The following CAMK1D variants were observed in gnomAD, a reference collection of about 807,000 sequenced individuals.
The protein encoded by CAMK1D is calcium/calmodulin-dependent protein kinase type 1D.
A neutral mutation model predicts 47.7 loss-of-function variants in CAMK1D; 9 were observed. The observed-to-expected ratio is 0.19, with a 90% CI of 0.11 to 0.33. The LOEUF (loss-of-function observed/expected upper bound fraction) is 0.33, where lower values mean the gene tolerates loss of function less well. Among genes scored for constraint, CAMK1D ranks in the 10% least tolerant of loss-of-function variants. The pLI is 1.00. For synonymous variants in CAMK1D, 184 were observed against 184.9 expected (o/e 0.99, Z 0.04); for missense variants, 291 against 488.7 (o/e 0.60, Z 3.81).
intron 1 of CAMK1D, among the ~76,000 whole-genome samples, chr10:12,459,423 T>A (rs924545358): frequency 6.6e-6 from 1 of 152,198 alleles, no homozygotes; most frequent in African/African-American, 2.4e-5. Context: ...GATGAGACAT[T>A]ACTGTGACGA....
At chr10:12,592,182 T>C (rs1201753832) in intron 2 of CAMK1D, among the ~76,000 whole-genome samples, 1 of 152,202 alleles carries the variant, frequency 6.6e-6, no homozygotes, top group Non-Finnish European at 1.5e-5. Flanking sequence ...TTTAGTGTTT[T>C]CTAAATGCTT....
intron 1 of CAMK1D, chr10:12,456,690 C>T (rs1293016651): frequency 7.3e-6 from 1 of 136,106 alleles, no homozygotes; most frequent in African/African-American, 2.7e-5. Context: ...TCACTTGAGC[C>T]CAGGAGGTCA....
At chr10:12,556,060 T>C (rs1357232863) in intron 2 of CAMK1D, among the ~76,000 whole-genome samples, 1 of 152,160 alleles carries the variant, frequency 6.6e-6, no homozygotes, top group Non-Finnish European at 1.5e-5. Flanking sequence ...CCTGGAAGCG[T>C]GACCCCTCTT....
rs140302414 is a variant in CAMK1D at position 12,764,952 on chromosome 10, G to A, written c.438+3866G>A. Among the ~76,000 whole-genome samples, 919 of 152,078 alleles carry A rather than the reference G, an allele frequency of 6.0e-3. 4 individuals are homozygous for A. The highest frequency in any genetic ancestry group is 0.014 in the Middle Eastern group (4 of 294). On this transcript the variant is annotated intron_variant, in intron 4 of 10. Transcript: ENST00000619168. Reference sequence around the variant, plus strand: ...CTCTACTAAAAATACAAAAGTAGCCGTGTGTGGTGGCACATGCCTGTAATC... The same window carrying A: ...CTCTACTAAAAATACAAAAGTAGCCATGTGTGGTGGCACATGCCTGTAATC...
intron 1 of CAMK1D, among the ~76,000 whole-genome samples, chr10:12,542,120 C>T (rs1836215168): frequency 6.6e-6 from 1 of 151,650 alleles, no homozygotes; most frequent in African/African-American, 2.4e-5. Flanking sequence ...CTTAAGTGAT[C>T]CTCCTGCCTT....
At chr10:12,455,582 T>C (rs2104588) in intron 1 of CAMK1D, among the ~76,000 whole-genome samples, 132,730 of 152,240 alleles carry the variant, frequency 0.87, 58,052 homozygotes, top group Admixed American at 0.92. Flanking sequence ...CATGTTGTTG[T>C]ATGTAAAAGT....
At chr10:12,514,570 C>A (rs1835134595) in intron 1 of CAMK1D, among the ~76,000 whole-genome samples, 1 of 152,200 alleles carries the variant, frequency 6.6e-6, no homozygotes, top group Non-Finnish European at 1.5e-5. Context: ...GTATGTGGGG[C>A]AGGCAGGATT....
chr10:12,731,909 A>ACGTC (rs906060540), intron 3 of CAMK1D, among the ~76,000 whole-genome samples: 1 of 152,012 alleles, frequency 6.6e-6, no homozygotes, highest in Non-Finnish European at 1.5e-5. Flanking sequence ...ACCCGAATGG[A>ACGTC]CGATGGGGTA....
intron 5 of CAMK1D, among the ~76,000 whole-genome samples, chr10:12,790,119 G>A (rs746661909): frequency 7.2e-5 from 11 of 152,246 alleles, no homozygotes; most frequent in African/African-American, 2.7e-4. Flanking sequence ...CACAAGGCCA[G>A]GAACAGGGAA....
intron 2 of CAMK1D, among the ~76,000 whole-genome samples, chr10:12,595,772 G>T (rs550458483): frequency 6.6e-6 from 1 of 152,096 alleles, no homozygotes; most frequent in African/African-American, 2.4e-5. Flanking sequence ...ACCATGACAG[G>T]TCAATAAAGA....
chr10:12,374,175 A>C (rs1032053335), intron 1 of CAMK1D, among the ~76,000 whole-genome samples: 2 of 147,370 alleles, frequency 1.4e-5, no homozygotes, highest in Non-Finnish European at 3.0e-5. Flanking sequence ...CAGGAGAATC[A>C]GTTGAACCCA....
intron 5 of CAMK1D, among the ~76,000 whole-genome samples, chr10:12,771,845 C>T (rs890824654): frequency 2.0e-5 from 3 of 152,096 alleles, no homozygotes; most frequent in Non-Finnish European, 4.4e-5. Context: ...ATCAGCCTGG[C>T]CAACATGGCA....
At chr10:12,598,432 T>C (rs1437027458) in intron 2 of CAMK1D, among the ~76,000 whole-genome samples, 1 of 152,128 alleles carries the variant, frequency 6.6e-6, no homozygotes, top group Non-Finnish European at 1.5e-5. Flanking sequence ...CTCTCTAGAG[T>C]AGTTTAAACT....
Position 12,828,825 on chromosome 10 carries a change from G to A in CAMK1D, c.1096G>A (p.Val366Ile). ...TTCTTCTTCGTCGGGGGTCTCAGGA[G>A]TTGGAGCCGAGCGGAGACCCAGGCC... The part of the protein sequence containing the change: ...FISSSSGVSG[V>I]GAERRPRPTT... The change falls in exon 11 of 11, where the codon GTT becomes ATT. Residue 366 changes from valine to isoleucine, a missense_variant. This residue lies in a region of CAMK1D where 72 missense variants were observed against 64.4 expected (regional missense o/e 1.12). Coordinates refer to ENST00000619168, the MANE Select transcript of CAMK1D (RefSeq NM_153498.4). 6.2e-7 allele frequency: 1 copy of A among 1,613,846 alleles called. No individual in the cohort carries two copies. Among genetic ancestry groups the A allele is most frequent in the Non-Finnish European group, 8.5e-7 (1 of 1,179,952 alleles).
At chr10:12,547,684 A>G (rs72769695) in intron 1 of CAMK1D, among the ~76,000 whole-genome samples, 5 of 57,638 alleles carry the variant, frequency 8.7e-5, no homozygotes, top group African/African-American at 3.4e-4. Context: ...TCTCTCTCTC[A>G]CACACACACA....
At chr10:12,763,762 A>G (rs138228808) in intron 4 of CAMK1D, among the ~76,000 whole-genome samples, 4 of 152,192 alleles carry the variant, frequency 2.6e-5, no homozygotes, top group African/African-American at 9.7e-5. Context: ...TTCCGATCTT[A>G]TTAAAGCTTA....
chr10:12,552,192 A>G (rs1369118183), intron 1 of CAMK1D, among the ~76,000 whole-genome samples: 1 of 152,194 alleles, frequency 6.6e-6, no homozygotes, highest in Non-Finnish European at 1.5e-5. Context: ...GCCCCTCCAG[A>G]GAAGTGGGCT....
At chr10:12,742,517 A>G (rs1227732567) in intron 3 of CAMK1D, among the ~76,000 whole-genome samples, 1 of 152,232 alleles carries the variant, frequency 6.6e-6, no homozygotes, top group African/African-American at 2.4e-5. Context: ...GAGTTGTGCA[A>G]CCATCACCTG....
rs914370834 is a variant in CAMK1D at position 12,572,617 on chromosome 10, A to G, written c.224+19261A>G. Reference sequence around the variant, plus strand: ...GAGGGGAGGGGCCCTAGGCAAGGCAATTTACTTTTTTTTTCTAAAGTTTTA... The same window carrying G: ...GAGGGGAGGGGCCCTAGGCAAGGCAGTTTACTTTTTTTTTCTAAAGTTTTA... On this transcript the variant is annotated intron_variant, in intron 2 of 10. Coordinates refer to ENST00000619168, the MANE Select transcript of CAMK1D (RefSeq NM_153498.4). 6.6e-5 allele frequency among the ~76,000 whole-genome samples: 10 copies of G among 151,920 alleles called. No individual in the cohort carries two copies. The East Asian group carries it at 9.7e-4, about 15-fold the overall frequency.
Sources: gnomAD v4.1 joint callset for allele counts (sites outside exome capture counted in the v4.1 genomes callset) on GRCh38, gnomAD v4.1.1 for gene constraint, gnomAD v4.1.1 regional missense constraint, MANE v1.5 for transcripts, NCBI Gene and HGNC (gene_info 2026-07-23, HGNC 2026-07-21) for gene names.